Variants in NALF1 observed in about 807,000 individuals in gnomAD.
NALF1 encodes family with sequence similarity 155 member A.
NALF1 carries 3 observed loss-of-function variants against 48.4 expected under a neutral mutation model. The ratio of observed to expected loss-of-function variants is 0.06; its 90% CI spans 0.03 to 0.16. The LOEUF is 0.16. Ranked by LOEUF, NALF1 falls within the 10% of genes least tolerant of loss-of-function variation. The probability of loss-of-function intolerance (pLI) is 1.00; values close to 1 mark genes in which losing one functional copy is unlikely to be tolerated. For missense variants in NALF1, 526 were observed against 571.5 expected, an observed-to-expected ratio of 0.92 and a Z score of 0.81; for synonymous variants, 262 against 245.7, an observed-to-expected ratio of 1.07 and a Z score of -0.62.
chr13:107,861,033 C>A (rs1233757141), intron 1 of NALF1, among the ~76,000 whole-genome samples: 1 of 152,090 alleles, frequency 6.6e-6, no homozygotes, highest in Non-Finnish European at 1.5e-5. Context: ...AATATGTATT[C>A]CATGGTCTGT....
intron 2 of NALF1, among the ~76,000 whole-genome samples, chr13:107,176,923 T>A (rs944150721): frequency 6.6e-6 from 1 of 151,754 alleles, no homozygotes; most frequent in South Asian, 2.1e-4. Context: ...TTATTTTTCT[T>A]ATATTAATTA....
chr13:107,757,394 TAAC>T (rs1877132328), intron 1 of NALF1, among the ~76,000 whole-genome samples: 1 of 149,144 alleles, frequency 6.7e-6, no homozygotes, highest in East Asian at 2.0e-4. Context: ...ACATTCCAGT[TAAC>T]AACACTGGCC....
intron 1 of NALF1, among the ~76,000 whole-genome samples, chr13:107,598,735 C>G (rs1228630635): frequency 2.6e-5 from 4 of 152,152 alleles, no homozygotes; most frequent in Admixed American, 2.6e-4. Context: ...GGTTTGCACT[C>G]TTACTTACTC....
chr13:107,656,379 T>C (rs542965858), intron 1 of NALF1, among the ~76,000 whole-genome samples: 65 of 152,016 alleles, frequency 4.3e-4, no homozygotes, highest in Non-Finnish European at 7.4e-4. Context: ...AAAAAACATA[T>C]ACAAATCATC....
chr13:107,191,833 A>ATTTTTTTTTTTTTTTT (rs66566638), intron 2 of NALF1, among the ~76,000 whole-genome samples: 5 of 112,222 alleles, frequency 4.5e-5, no homozygotes, highest in Non-Finnish European at 7.0e-5. Context: ...CACTATGCCT[A>ATTTTTTTTTTTTTTTT]TTTTTTTTTT....
At chr13:107,367,726 C>T (rs1883176097) in intron 1 of NALF1, among the ~76,000 whole-genome samples, 2 of 152,180 alleles carry the variant, frequency 1.3e-5, no homozygotes, top group African/African-American at 4.8e-5. Context: ...CATTTGACAT[C>T]ATGGCTACCT....
intron 1 of NALF1, among the ~76,000 whole-genome samples, chr13:107,328,370 C>T (rs1882406630): frequency 6.6e-6 from 1 of 152,104 alleles, no homozygotes; most frequent in African/African-American, 2.4e-5. Flanking sequence ...ATCACACTCA[C>T]ATCCTCTGTG....
intron 1 of NALF1, among the ~76,000 whole-genome samples, chr13:107,478,255 C>A (rs1885203561): frequency 6.6e-6 from 1 of 152,130 alleles, no homozygotes; most frequent in African/African-American, 2.4e-5. Context: ...TTGATGTGAA[C>A]AGAGTATTTG....
chr13:107,483,141 A>T (rs575185715), intron 1 of NALF1, among the ~76,000 whole-genome samples: 1 of 152,324 alleles, frequency 6.6e-6, no homozygotes, highest in Non-Finnish European at 1.5e-5. Context: ...TTCACCTAGC[A>T]TCATGCCTGC....
intron 1 of NALF1, among the ~76,000 whole-genome samples, chr13:107,614,513 T>C (rs1320458971): frequency 6.6e-6 from 1 of 152,144 alleles, no homozygotes; most frequent in African/African-American, 2.4e-5. Context: ...TGGAATACAA[T>C]AAGGCTGATA....
At chr13:107,322,127 T>C (rs1401992124) in intron 1 of NALF1, among the ~76,000 whole-genome samples, 1 of 152,194 alleles carries the variant, frequency 6.6e-6, no homozygotes, top group Non-Finnish European at 1.5e-5. Context: ...TTATTTCCAT[T>C]GGCTGGTCAT....
At chr13:107,345,374 C>G (rs1292204951) in intron 1 of NALF1, among the ~76,000 whole-genome samples, 2 of 152,106 alleles carry the variant, frequency 1.3e-5, no homozygotes, top group Non-Finnish European at 2.9e-5. Context: ...AAGAGAAAAG[C>G]TGGAGGCCTC....
chr13:107,640,400 T>C (rs1169255794), intron 1 of NALF1, among the ~76,000 whole-genome samples: 1 of 152,198 alleles, frequency 6.6e-6, no homozygotes, highest in African/African-American at 2.4e-5. Flanking sequence ...AAAACGTTCC[T>C]AAATTTATAA....
intron 1 of NALF1, among the ~76,000 whole-genome samples, chr13:107,813,762 C>A (rs1455981674): frequency 6.6e-6 from 1 of 151,944 alleles, no homozygotes; most frequent in Non-Finnish European, 1.5e-5. Context: ...CAGTATAAAT[C>A]CATCAGACCT....
At chr13:107,266,260 G>A (rs575206854) in intron 1 of NALF1, among the ~76,000 whole-genome samples, 3 of 152,258 alleles carry the variant, frequency 2.0e-5, no homozygotes, top group South Asian at 4.2e-4. Context: ...AGAAATACAC[G>A]TGTTTTGTGG....
chr13:107,402,743 C>T (rs1883830227), intron 1 of NALF1, among the ~76,000 whole-genome samples: 1 of 152,074 alleles, frequency 6.6e-6, no homozygotes, highest in South Asian at 2.1e-4. Flanking sequence ...CTCTCTTGGC[C>T]TCAGTTTCCT....
chr13:107,563,041 T>C (rs1357474213), intron 1 of NALF1, among the ~76,000 whole-genome samples: 1 of 152,210 alleles, frequency 6.6e-6, no homozygotes, highest in East Asian at 1.9e-4. Context: ...TAAAATAGGT[T>C]TAATGAGTTT....
chr13:107,577,529 T>C (rs1303903386), intron 1 of NALF1, among the ~76,000 whole-genome samples: 1 of 152,188 alleles, frequency 6.6e-6, no homozygotes, highest in African/African-American at 2.4e-5. Context: ...TAATCTGTGA[T>C]CCAGGAAAGG....
At chr13:107,635,171 A>G (rs1879941203) in intron 1 of NALF1, among the ~76,000 whole-genome samples, 1 of 152,086 alleles carries the variant, frequency 6.6e-6, no homozygotes. Context: ...TTAGGTATTG[A>G]TATTTACTAT....
Sources: gnomAD v4.1 joint callset for allele counts (sites outside exome capture counted in the v4.1 genomes callset) on GRCh38, gnomAD v4.1.1 for gene constraint, MANE v1.5 for transcripts, NCBI Gene and HGNC (gene_info 2026-07-23, HGNC 2026-07-21) for gene names.